PTPRG: variants seen among roughly 807,000 people sequenced by gnomAD.
PTPRG encodes the protein protein tyrosine phosphatase receptor type G.
PTPRG carries 102 observed loss-of-function variants against 165.3 expected under a neutral mutation model. That is an observed-to-expected ratio of 0.62 (90% CI 0.53 to 0.73). The LOEUF (loss-of-function observed/expected upper bound fraction) is 0.73, where lower values mean the gene tolerates loss of function less well. Among genes scored for constraint, PTPRG ranks in the 30% least tolerant of loss-of-function variants. The probability of loss-of-function intolerance (pLI) is 0.00; values close to 1 mark genes in which losing one functional copy is unlikely to be tolerated. For missense variants in PTPRG, 1,866 were observed against 1,861.4 expected, an observed-to-expected ratio of 1.00 and a Z score of -0.05; for synonymous variants, 675 against 669.5, an observed-to-expected ratio of 1.01 and a Z score of -0.13.
At chr3:61,886,377 A>C (rs943435618) in intron 2 of PTPRG, among the ~76,000 whole-genome samples, 1 of 152,152 alleles carries the variant, frequency 6.6e-6, no homozygotes, top group East Asian at 1.9e-4. Flanking sequence ...CTAGTAGTTC[A>C]TTTACTTACC....
chr3:62,045,577 G>A (rs1216058027), intron 4 of PTPRG, among the ~76,000 whole-genome samples: 1 of 152,214 alleles, frequency 6.6e-6, no homozygotes, highest in Admixed American at 6.5e-5. Context: ...CAGGGAAGTA[G>A]ATCTTATTGC....
At chr3:61,742,077 G>A (rs560467493) in intron 1 of PTPRG, among the ~76,000 whole-genome samples, 2 of 152,202 alleles carry the variant, frequency 1.3e-5, no homozygotes, top group African/African-American at 4.8e-5. Context: ...CAGAGGAGCC[G>A]GGCTCTTTGT....
intron 1 of PTPRG, among the ~76,000 whole-genome samples, chr3:61,655,768 G>T (rs2107003446): frequency 6.6e-6 from 1 of 152,172 alleles, no homozygotes; most frequent in South Asian, 2.1e-4. Context: ...ATCATGCCTG[G>T]CTAATTTTTA....
chr3:62,003,790 C>G (rs1009576087), intron 4 of PTPRG, among the ~76,000 whole-genome samples: 14 of 151,932 alleles, frequency 9.2e-5, no homozygotes, highest in African/African-American at 3.2e-4. Flanking sequence ...ACTGTCTGTT[C>G]CCATTTTTGA....
At chr3:62,111,631 T>G (rs571843052) in intron 5 of PTPRG, among the ~76,000 whole-genome samples, 8 of 152,216 alleles carry the variant, frequency 5.3e-5, no homozygotes, top group Non-Finnish European at 1.2e-4. Flanking sequence ...AAATTTTTAG[T>G]AGGAACAGGG....
intron 1 of PTPRG, among the ~76,000 whole-genome samples, chr3:61,625,994 C>A (rs75055027): frequency 0.028 from 4,129 of 149,462 alleles, 167 homozygotes; most frequent in African/African-American, 0.097. Context: ...ACTTTCCTGT[C>A]CCAACAGGGT....
chr3:61,724,687 G>A lies in PTPRG; in HGVS notation c.86-24191G>A, dbSNP rs952234083. On this transcript the variant is annotated intron_variant, in intron 1 of 29. Coordinates refer to ENST00000474889, the MANE Select transcript of PTPRG (RefSeq NM_002841.4). Reference sequence around the variant, plus strand: ...ACTATTTTTTTATTTTAGCGATTCTGATAGGTATGCAGTTATATCTCAGTG... The same window carrying A: ...ACTATTTTTTTATTTTAGCGATTCTAATAGGTATGCAGTTATATCTCAGTG... 3.3e-5 allele frequency among the ~76,000 whole-genome samples: 5 copies of A among 152,136 alleles called. No homozygotes were observed. In the East Asian group the frequency reaches 9.6e-4, roughly 29 times the overall value.
intron 2 of PTPRG, chr3:61,770,989 T>C (rs1314268804): frequency 6.6e-6 from 1 of 152,212 alleles, no homozygotes; most frequent in Admixed American, 6.5e-5. Context: ...TATCCTTTCT[T>C]CTGGCTCTTG....
intron 2 of PTPRG, among the ~76,000 whole-genome samples, chr3:61,799,197 C>G (rs1362132389): frequency 6.6e-6 from 1 of 151,954 alleles, no homozygotes; most frequent in Non-Finnish European, 1.5e-5. Flanking sequence ...CCATATACCC[C>G]AAATCCAGTT....
Position 62,230,541 on chromosome 3 carries a change from T to C in PTPRG, c.2289-684T>C, listed in dbSNP as rs569147041. On this transcript the variant is annotated intron_variant, in intron 13 of 29. Coordinates refer to ENST00000474889, the MANE Select transcript of PTPRG (RefSeq NM_002841.4). ...TTAAATAAATACTTTCAAGTGTTCTTGTGTGACAGAAGTGCATCTTTCAAA... is the reference window on the plus strand; with the variant it reads ...TTAAATAAATACTTTCAAGTGTTCTCGTGTGACAGAAGTGCATCTTTCAAA... Among the ~76,000 whole-genome samples, 11 of 152,334 alleles carry C rather than the reference T, an allele frequency of 7.2e-5. No individual in the cohort carries two copies. In the East Asian group the frequency reaches 1.2e-3, roughly 16 times the overall value.
chr3:62,271,353 T>G lies in PTPRG; in HGVS notation c.3010-30T>G, dbSNP rs1225137823. ...TTTCCAGAATGTCCACCCCCCCGCT[T>G]AAAGACATCTTTTTTCACTTTTCTC... On this transcript the variant is annotated intron_variant, in intron 20 of 29. Coordinates refer to ENST00000474889, the MANE Select transcript of PTPRG (RefSeq NM_002841.4). The surrounding 1 kb of genome is among the most constrained non-coding windows in gnomAD (Gnocchi z 4.1). 3 of 1,561,056 alleles carry G rather than the reference T, an allele frequency of 1.9e-6. No homozygotes were observed. Among genetic ancestry groups the G allele is most frequent in the Non-Finnish European group, 2.6e-6 (3 of 1,148,714 alleles).
At chr3:61,956,674 T>C (rs62245361) in intron 2 of PTPRG, among the ~76,000 whole-genome samples, 6,847 of 152,280 alleles carry the variant, frequency 0.045, 221 homozygotes, top group Admixed American at 0.073. Flanking sequence ...CTATTACTGA[T>C]ATATTAAAAT....
chr3:62,016,795 T>G (rs2041554707), intron 4 of PTPRG, among the ~76,000 whole-genome samples: 1 of 152,150 alleles, frequency 6.6e-6, no homozygotes, highest in African/African-American at 2.4e-5. Flanking sequence ...TGGCTTCTAC[T>G]CTCCCTCATT....
chr3:61,851,409 G>C (rs886842293), intron 2 of PTPRG, among the ~76,000 whole-genome samples: 31 of 152,218 alleles, frequency 2.0e-4, no homozygotes, highest in African/African-American at 7.2e-4. Flanking sequence ...TAACACAAAA[G>C]AAAACCGAGC....
At chr3:62,156,965 C>T in intron 6 of PTPRG, 102 bp from the exon 7 acceptor site, 1 of 1,049,218 alleles carries the variant, frequency 9.5e-7, no homozygotes, top group Non-Finnish European at 1.4e-6. Context: ...AAACATAAGG[C>T]TTGCGATGTG....
intron 3 of PTPRG, among the ~76,000 whole-genome samples, chr3:61,991,777 G>A (rs554726770): frequency 1.3e-5 from 2 of 152,274 alleles, no homozygotes; most frequent in Non-Finnish European, 2.9e-5. Flanking sequence ...TCTCTGATAC[G>A]GTTTTCTACT....
At chr3:62,145,831 C>T (rs771080070) in intron 6 of PTPRG, among the ~76,000 whole-genome samples, 2 of 152,214 alleles carry the variant, frequency 1.3e-5, no homozygotes, top group Non-Finnish European at 2.9e-5. Context: ...GTATCCCAGC[C>T]ATGCAGTGGA....
rs1246147794 is a variant in PTPRG at position 62,294,871 on chromosome 3, A to G, written c.*1564A>G. 1 of 152,110 alleles carries G rather than the reference A, an allele frequency of 6.6e-6. No homozygotes were observed. The highest frequency in any genetic ancestry group is 1.5e-5 in the Non-Finnish European group (1 of 68,006). 9.4% of individuals were successfully genotyped at this position (152,110 alleles called of 1,614,324 possible). ...CTGCTGTCATGCCATCTGGGTATGC[A>G]TTAAACATTAATGATGATCAGCACT... On this transcript the variant is annotated 3_prime_UTR_variant, in exon 30 of 30. Coordinates refer to ENST00000474889, the MANE Select transcript of PTPRG (RefSeq NM_002841.4).
chr3:62,267,902 T>C, intron 19 of PTPRG, 83 bp downstream of exon 19: 1 of 1,474,166 alleles, frequency 6.8e-7, no homozygotes, highest in Non-Finnish European at 9.2e-7. Context: ...GGGTAGGAAC[T>C]TGACAAGGTA....
Sources: gnomAD v4.1 joint callset for allele counts (sites outside exome capture counted in the v4.1 genomes callset) on GRCh38, gnomAD v4.1.1 for gene constraint, Gnocchi (gnomAD v3.1) non-coding constraint, MANE v1.5 for transcripts, NCBI Gene and HGNC (gene_info 2026-07-23, HGNC 2026-07-21) for gene names.